NGLY1: variants seen among roughly 807,000 people sequenced by gnomAD.
The protein encoded by NGLY1 is N-glycanase 1.
Under a neutral mutation model 84.6 loss-of-function variants are expected in NGLY1, and 68 were observed. The observed-to-expected ratio is 0.80, with a 90% CI of 0.66 to 0.98. The LOEUF (loss-of-function observed/expected upper bound fraction) is 0.98. Ranked by LOEUF, NGLY1 falls within the 50% of genes least tolerant of loss-of-function variation. NGLY1 has a pLI of 0.00. For synonymous variants in NGLY1, 280 were observed against 275.2 expected (o/e 1.02, Z -0.17); for missense variants, 779 against 770.2 (o/e 1.01, Z -0.14).
At chr3:25,723,445 C>CT (rs1166196616) in intron 10 of NGLY1, among the ~76,000 whole-genome samples, 1 of 152,018 alleles carries the variant, frequency 6.6e-6, no homozygotes, top group Non-Finnish European at 1.5e-5. Context: ...TTCCTATCAT[C>CT]TTTTTTTGCA....
Position 25,749,445 on chromosome 3 carries a change from C to T in NGLY1, c.658+1653G>A, listed in dbSNP as rs927634983. 3 of 1,118,290 alleles carry T rather than the reference C, an allele frequency of 2.7e-6. No individual in the cohort carries two copies. In the African/African-American group the frequency reaches 4.6e-5, roughly 17 times the overall value. The allele number at this position is 1,118,290 out of a possible 1,614,324, so 69.3% of individuals were successfully genotyped here. A position where few individuals can be genotyped will look rare whatever the true frequency, so the allele number is the denominator to read the frequency against. On this transcript the variant is annotated intron_variant, in intron 4 of 11. Coordinates refer to ENST00000280700, the MANE Select transcript of NGLY1 (RefSeq NM_018297.4). ...AAAAGGAAGGAAGCTCTCTCCTCCT[C>T]AGCACTGCCTACAGAGGTGGCAGCC...
chr3:25,745,853 A>G (rs373335155), intron 4 of NGLY1, among the ~76,000 whole-genome samples: 1 of 152,198 alleles, frequency 6.6e-6, no homozygotes, highest in African/African-American at 2.4e-5. Flanking sequence ...CTATTCGAGA[A>G]CACCTGAGAA....
rs777336195 is a variant in NGLY1 at position 25,783,364 on chromosome 3, G to A, written c.27C>T (p.Ser9=). The change falls in exon 1 of 12, where the codon TCC becomes TCT. Residue 9 remains serine, a synonymous_variant. Transcript: ENST00000280700. This position sits in a 1 kb window ranked among gnomAD's most constrained non-coding sequence, Gnocchi z 4.5. ...CCACGGCCGGGGACGCCGAGCCTGA[G>A]GAGCTGCCCAATGCCGCCGCCGCCA... MAAAALGS[S]SGSASPAVAE... 5.8e-6 allele frequency: 9 copies of A among 1,558,462 alleles called. No individual in the cohort carries two copies. The highest frequency in any genetic ancestry group is 6.9e-6 in the Non-Finnish European group (8 of 1,153,648).
chr3:25,767,543 C>T (rs1707648871), intron 2 of NGLY1, among the ~76,000 whole-genome samples: 1 of 152,142 alleles, frequency 6.6e-6, no homozygotes, highest in Non-Finnish European at 1.5e-5. Context: ...AAAACTACTC[C>T]ACTGAGATAA....
chr3:25,752,066 C>T (rs1706783131), intron 3 of NGLY1, among the ~76,000 whole-genome samples: 1 of 152,166 alleles, frequency 6.6e-6, no homozygotes, highest in South Asian at 2.1e-4. Flanking sequence ...TATGGATCTA[C>T]AACAACTGTG....
intron 1 of NGLY1, among the ~76,000 whole-genome samples, chr3:25,781,360 TTC>T (rs1708411159): frequency 6.6e-6 from 1 of 152,138 alleles, no homozygotes; most frequent in Non-Finnish European, 1.5e-5. Flanking sequence ...GTTCCTCAAA[TTC>T]TTTTTCTTAT....
At chr3:25,764,418 T>G in intron 2 of NGLY1, 107 bp from the exon 3 acceptor site, 1 of 1,198,200 alleles carries the variant, frequency 8.3e-7, no homozygotes, top group South Asian at 1.5e-5. Flanking sequence ...ATAGAATGCA[T>G]GTTTCTAAAA....
At position 25,789,734 on chromosome 3, in the gene NGLY1, G is replaced by A. The variant is rs1465242684; in HGVS notation, c.5+127C>T. 11 of 1,190,510 alleles carry A rather than the reference G, an allele frequency of 9.2e-6. No homozygotes were observed. The Admixed American group carries it at 1.5e-4, about 16-fold the overall frequency. 73.7% of individuals were successfully genotyped at this position (1,190,510 alleles called of 1,614,324 possible). On this transcript the variant is annotated intron_variant, in intron 1 of 11. Transcript: ENST00000417874. ...CTATAGCAATAACTTTGAAACTGCA[G>A]AGAATTTCCTTAATTCTTTCTTACA... is the stretch of plus-strand genomic sequence containing the variant.
intron 2 of NGLY1, among the ~76,000 whole-genome samples, chr3:25,773,798 C>A (rs1182878646): frequency 1.3e-5 from 2 of 152,132 alleles, no homozygotes; most frequent in Non-Finnish European, 2.9e-5. Flanking sequence ...ATTCTTTGGC[C>A]CCATGGGGTG....
chr3:25,788,469 A>G (rs1053442500), intron 1 of NGLY1, among the ~76,000 whole-genome samples: 1 of 152,242 alleles, frequency 6.6e-6, no homozygotes, highest in Non-Finnish European at 1.5e-5. Flanking sequence ...GCCATTAAAT[A>G]TCATAAAATT....
intron 10 of NGLY1, among the ~76,000 whole-genome samples, chr3:25,724,555 T>C (rs1212110161): frequency 6.6e-6 from 1 of 152,216 alleles, no homozygotes; most frequent in Non-Finnish European, 1.5e-5. Flanking sequence ...CCATTTGTAA[T>C]AGGAAACTTT....
chr3:25,778,073 C>T (rs969553162), intron 2 of NGLY1, among the ~76,000 whole-genome samples: 1 of 152,142 alleles, frequency 6.6e-6, no homozygotes, highest in African/African-American at 2.4e-5. Flanking sequence ...TTAAACTACA[C>T]CACAAGATTC....
chr3:25,779,571 G>T (rs183177436), intron 1 of NGLY1, among the ~76,000 whole-genome samples: 2 of 151,538 alleles, frequency 1.3e-5, no homozygotes, highest in Non-Finnish European at 2.9e-5. Context: ...GGGATCCATA[G>T]GAAGATGTAC....
rs183949899 is a variant in NGLY1, at chr3:25,780,659, G to C, written c.132-1971C>G. ...TTTTTAAAAAACAAAGTGTTGCTCTGTCACCCCGGCTAGAGTGCAATGACG... is the reference window on the plus strand; with the variant it reads ...TTTTTAAAAAACAAAGTGTTGCTCTCTCACCCCGGCTAGAGTGCAATGACG... On this transcript the variant is annotated intron_variant, in intron 1 of 11. Coordinates refer to ENST00000280700, the MANE Select transcript of NGLY1 (RefSeq NM_018297.4). Among the ~76,000 whole-genome samples the C allele has an allele frequency of 1.4e-4, 22 of 152,196 alleles. 1 individual carries two copies. In the East Asian group the frequency reaches 3.3e-3, roughly 23 times the overall value.
intron 3 of NGLY1, among the ~76,000 whole-genome samples, chr3:25,760,736 T>A (rs1707274346): frequency 6.6e-6 from 1 of 151,926 alleles, no homozygotes; most frequent in Admixed American, 6.6e-5. Flanking sequence ...GGCACATGCC[T>A]GTAATCCCAG....
Position 25,755,661 on chromosome 3 carries a change from TGAC to T in NGLY1, c.493-4401_493-4399del, listed in dbSNP as rs1707002148. On this transcript the variant is annotated intron_variant, in intron 3 of 11. Transcript: ENST00000280700. ...GAAGAGAAAAACATGAAGATGATGA[TGAC>T]AATGATACTATGTAAGGAATTATAG... The T allele has an allele frequency of 1.1e-5, 16 of 1,487,556 alleles. 1 individual carries two copies. In the African/African-American group the frequency reaches 1.2e-4, roughly 12 times the overall value. 92.1% of individuals were successfully genotyped at this position (1,487,556 alleles called of 1,614,324 possible). A position where few individuals can be genotyped will look rare whatever the true frequency, so the allele number is the denominator to read the frequency against.
At chr3:25,763,737 A>G (rs1437984449) in intron 3 of NGLY1, among the ~76,000 whole-genome samples, 21 of 152,240 alleles carry the variant, frequency 1.4e-4, no homozygotes, top group Admixed American at 1.4e-3. Context: ...ATTTGCTAGC[A>G]TCCACTATCA....
chr3:25,777,373 C>G (rs1575664808), intron 2 of NGLY1, among the ~76,000 whole-genome samples: 1 of 108,510 alleles, frequency 9.2e-6, no homozygotes, highest in South Asian at 3.3e-4. Context: ...CCAGCCTGGG[C>G]AACAAGAGCG....
chr3:25,748,784 T>C lies in NGLY1; in HGVS notation c.658+2314A>G, dbSNP rs181831539. Among the ~76,000 whole-genome samples, 150 of 152,270 alleles carry C rather than the reference T, an allele frequency of 9.9e-4. 2 individuals are homozygous for C. Among genetic ancestry groups the C allele is most frequent in the Non-Finnish European group, 3.8e-4 (26 of 68,014 alleles). ...GAATATGGTTTCTGTTAGATTCACA[T>C]TAAAATTCACTAATTTAAATTCACT... On this transcript the variant is annotated intron_variant, in intron 4 of 11. Coordinates refer to ENST00000280700, the MANE Select transcript of NGLY1 (RefSeq NM_018297.4).
Sources: gnomAD v4.1 joint callset for allele counts (sites outside exome capture counted in the v4.1 genomes callset) on GRCh38, gnomAD v4.1.1 for gene constraint, Gnocchi (gnomAD v3.1) non-coding constraint, MANE v1.5 for transcripts, NCBI Gene and HGNC (gene_info 2026-07-23, HGNC 2026-07-21) for gene names.